Variants in CFDP1 observed in about 807,000 individuals in gnomAD.
The protein encoded by CFDP1 is chromatin remodeling protein CFDP1.
A neutral mutation model predicts 40.1 loss-of-function variants in CFDP1; 31 were observed. The observed-to-expected ratio is 0.77, with a 90% CI of 0.58 to 1.04. The LOEUF is 1.04. CFDP1 is among the 50% of genes least tolerant of loss of function. CFDP1 has a pLI of 0.00. For missense variants in CFDP1, 423 were observed against 343.4 expected (o/e 1.23, Z -1.83); for synonymous variants, 167 against 120.0 (o/e 1.39, Z -2.56).
intron 5 of CFDP1, chr16:75,324,982 G>A (rs2078392257): frequency 2.6e-5 from 4 of 152,184 alleles, no homozygotes. Context: ...GGAATTGTCT[G>A]ATTGTTAATT....
chr16:75,432,659 T>C (rs537036273), intron 1 of CFDP1, among the ~76,000 whole-genome samples: 1 of 152,290 alleles, frequency 6.6e-6, no homozygotes, highest in Admixed American at 6.5e-5. Context: ...ACTGAAGATG[T>C]GAATGGGTGA....
At chr16:75,338,240 G>T (rs545468865) in intron 5 of CFDP1, among the ~76,000 whole-genome samples, 7 of 152,160 alleles carry the variant, frequency 4.6e-5, no homozygotes, top group Admixed American at 4.6e-4. Flanking sequence ...GTGAAGCATG[G>T]GGGGGAAAAA....
chr16:75,328,279 G>GT (rs1215496909), intron 5 of CFDP1, among the ~76,000 whole-genome samples: 1 of 149,878 alleles, frequency 6.7e-6, no homozygotes, highest in East Asian at 2.0e-4. Context: ...CCAGGAATTA[G>GT]TATGTTTTAA....
intron 5 of CFDP1, among the ~76,000 whole-genome samples, chr16:75,334,166 A>G (rs77936900): frequency 0.022 from 3,339 of 152,108 alleles, 69 homozygotes; most frequent in African/African-American, 0.053. Flanking sequence ...CCACTCTCAC[A>G]CATCCAAGAC....
In CFDP1 at chr16:75,335,994, G is replaced by A. The variant is rs117242804; in HGVS notation, c.651-30812C>T. On this transcript the variant is annotated intron_variant, in intron 5 of 6. Coordinates refer to ENST00000283882, the MANE Select transcript of CFDP1 (RefSeq NM_006324.3). ...GACTTCAAAATGACAGAATTGGGGG[G>A]AAGACAATTAGAAGGGGATGAAAAT... Among the ~76,000 whole-genome samples, 388 of 152,246 alleles carry A rather than the reference G, an allele frequency of 2.5e-3. 2 individuals are homozygous for A. The highest frequency in any genetic ancestry group is 4.6e-3 in the Non-Finnish European group (312 of 68,002).
At chr16:75,389,223 T>C (rs979720664) in intron 5 of CFDP1, among the ~76,000 whole-genome samples, 1 of 152,120 alleles carries the variant, frequency 6.6e-6, no homozygotes, top group African/African-American at 2.4e-5. Flanking sequence ...TGGATGCAAG[T>C]AGCTAACAGT....
intron 5 of CFDP1, among the ~76,000 whole-genome samples, chr16:75,336,431 G>T (rs568385738): frequency 1.3e-5 from 2 of 152,220 alleles, no homozygotes. Context: ...CAGCAAGAAC[G>T]GGCAGTGATC....
intron 5 of CFDP1, among the ~76,000 whole-genome samples, chr16:75,369,644 A>C (rs8046261): frequency 0.22 from 33,322 of 152,226 alleles, 4,115 homozygotes; most frequent in African/African-American, 0.33. Context: ...AAGAAAACTA[A>C]GTAAGACCAG....
At chr16:75,354,420 T>C (rs972324836) in intron 5 of CFDP1, among the ~76,000 whole-genome samples, 2 of 152,054 alleles carry the variant, frequency 1.3e-5, no homozygotes, top group African/African-American at 4.8e-5. Flanking sequence ...CAGGGAGGAA[T>C]GTGAAGTCCT....
intron 5 of CFDP1, among the ~76,000 whole-genome samples, chr16:75,392,089 A>T (rs2078957207): frequency 6.6e-6 from 1 of 152,196 alleles, no homozygotes; most frequent in South Asian, 2.1e-4. Context: ...TTCAAATTTT[A>T]AAAATCCTAA....
At chr16:75,343,616 A>G (rs9939080) in intron 5 of CFDP1, among the ~76,000 whole-genome samples, 38,168 of 152,072 alleles carry the variant, frequency 0.25, 5,733 homozygotes, top group African/African-American at 0.42. Context: ...GGAAGCCTGG[A>G]AAAGAGTTCA....
At chr16:75,387,110 G>C (rs2078904467) in intron 5 of CFDP1, among the ~76,000 whole-genome samples, 1 of 151,396 alleles carries the variant, frequency 6.6e-6, no homozygotes, top group Admixed American at 6.6e-5. Flanking sequence ...ACATGAAGGT[G>C]AAAGTCAGGT....
At chr16:75,364,405 G>A (rs894596405) in intron 5 of CFDP1, among the ~76,000 whole-genome samples, 2 of 152,246 alleles carry the variant, frequency 1.3e-5, no homozygotes, top group African/African-American at 4.8e-5. Flanking sequence ...GTGTGGTTCA[G>A]GGACCCCAGA....
chr16:75,320,058 T>A (rs576830530), intron 5 of CFDP1, among the ~76,000 whole-genome samples: 4 of 152,300 alleles, frequency 2.6e-5, no homozygotes, highest in Admixed American at 2.0e-4. Flanking sequence ...TCACTGACCA[T>A]CAAAAAGAAT....
intron 1 of CFDP1, among the ~76,000 whole-genome samples, chr16:75,432,228 A>T (rs1010518995): frequency 1.3e-5 from 2 of 149,880 alleles, no homozygotes; most frequent in African/African-American, 4.9e-5. Context: ...CTAGTTTTCA[A>T]CGTGCCTTTT....
At chr16:75,413,584 A>AC (rs2079181095) in intron 2 of CFDP1, among the ~76,000 whole-genome samples, 1 of 151,676 alleles carries the variant, frequency 6.6e-6, no homozygotes, top group Non-Finnish European at 1.5e-5. Context: ...AAATTCAAGG[A>AC]CAAAAAAACT....
rs761391684 is a variant in CFDP1, at chr16:75,412,631, T to G, written c.306A>C (p.Ser102=). The change falls in exon 3 of 7, where the codon TCA becomes TCC. Residue 102 remains serine, a synonymous_variant. Transcript: ENST00000283882. ...CCTCCTTCTTTTTCCTGGCATCCTC[T>G]GATCCAATGCCTTTTTCCTGCTCTG... is the stretch of plus-strand genomic sequence containing the variant. The part of the protein sequence containing the change: ...DAAEQEKGIG[S]EDARKKKEDE... 25 of 1,614,072 alleles carry G rather than the reference T, an allele frequency of 1.5e-5. No homozygotes were observed. In the African/African-American group the frequency reaches 3.2e-4, roughly 21 times the overall value.
At chr16:75,336,857 TAACAAAA>T (rs1322281574) in intron 5 of CFDP1, among the ~76,000 whole-genome samples, 2 of 152,238 alleles carry the variant, frequency 1.3e-5, no homozygotes, top group African/African-American at 4.8e-5. Flanking sequence ...GTCTCTTTAT[TAACAAAA>T]TTTAGCATCT....
chr16:75,416,763 T>C (rs1044720598), intron 1 of CFDP1, among the ~76,000 whole-genome samples: 2 of 151,552 alleles, frequency 1.3e-5, no homozygotes, highest in African/African-American at 4.9e-5. Flanking sequence ...AATAAATACA[T>C]AAATTAAAAA....
Sources: gnomAD v4.1 joint callset for allele counts (sites outside exome capture counted in the v4.1 genomes callset) on GRCh38, gnomAD v4.1.1 for gene constraint, MANE v1.5 for transcripts, NCBI Gene and HGNC (gene_info 2026-07-23, HGNC 2026-07-21) for gene names.